PKD2L2: variants seen among roughly 807,000 people sequenced by gnomAD.
PKD2L2 encodes the protein polycystin 2 like 2, transient receptor potential cation channel, also known as polycystin-2-like protein 2.
Under a neutral mutation model 83.9 loss-of-function variants are expected in PKD2L2, and 67 were observed. The ratio of observed to expected loss-of-function variants is 0.80; its 90% CI spans 0.66 to 0.98. The LOEUF (loss-of-function observed/expected upper bound fraction) is 0.98, where lower values mean the gene tolerates loss of function less well. Among genes scored for constraint, PKD2L2 ranks in the 50% least tolerant of loss-of-function variants. The pLI is 0.00. For synonymous variants in PKD2L2, 223 were observed against 237.8 expected, an observed-to-expected ratio of 0.94 and a Z score of 0.57; for missense variants, 632 against 717.2, an observed-to-expected ratio of 0.88 and a Z score of 1.36.
chr5:137,914,824 A>G (rs1168302871), intron 8 of PKD2L2, among the ~76,000 whole-genome samples: 1 of 152,106 alleles, frequency 6.6e-6, no homozygotes, highest in Non-Finnish European at 1.5e-5. Flanking sequence ...ATTTGTTTAT[A>G]GTTTTTATCC....
At chr5:137,936,933 G>A (rs1162945063) in intron 14 of PKD2L2, among the ~76,000 whole-genome samples, 1 of 152,084 alleles carries the variant, frequency 6.6e-6, no homozygotes, top group Non-Finnish European at 1.5e-5. Flanking sequence ...TACACACACT[G>A]GTACAAAGGA....
chr5:137,918,054 C>CA lies in PKD2L2; in HGVS notation c.1329-3576dup, dbSNP rs562546024. Among the ~76,000 whole-genome samples, 188 of 152,106 alleles carry CA rather than the reference C, an allele frequency of 1.2e-3. 4 individuals carry two copies. Among genetic ancestry groups the CA allele is most frequent in the Middle Eastern group, 0.01 (3 of 294 alleles). ...GAAACTAAGGGAGACCATGTCTGTA[C>CA]AAAAAATAAAAAATAATAAAAATTC... On this transcript the variant is annotated intron_variant, in intron 8 of 14. Transcript: ENST00000508883.
chr5:137,935,209 G>A (rs1005463950), intron 12 of PKD2L2, among the ~76,000 whole-genome samples: 1 of 152,194 alleles, frequency 6.6e-6, no homozygotes, highest in South Asian at 2.1e-4. Context: ...TGGGAAAAGG[G>A]TATTTGGACA....
chr5:137,936,506 A>C, intron 14 of PKD2L2, 79 bp downstream of exon 14: 25 of 1,215,066 alleles, frequency 2.1e-5, no homozygotes, highest in Non-Finnish European at 2.8e-5. Context: ...CCCAGGCTGG[A>C]GTGCAGTGGC....
At chr5:137,933,601 T>C (rs1760065304) in intron 12 of PKD2L2, among the ~76,000 whole-genome samples, 1 of 152,216 alleles carries the variant, frequency 6.6e-6, no homozygotes. Context: ...CCATTCCGTA[T>C]CATTCCCTTT....
chr5:137,936,550 G>A (rs1760430291), intron 14 of PKD2L2, 123 bp downstream of exon 14: 2 of 643,406 alleles, frequency 3.1e-6, no homozygotes, highest in African/African-American at 3.7e-5. Flanking sequence ...CCACCTCCCG[G>A]GTTCAAGCGA....
intron 5 of PKD2L2, among the ~76,000 whole-genome samples, chr5:137,900,332 T>C (rs1756846475): frequency 6.6e-6 from 1 of 152,244 alleles, no homozygotes; most frequent in South Asian, 2.1e-4. Flanking sequence ...TGATCTCTTA[T>C]AGTTCTCGTG....
chr5:137,894,749 G>C (rs1756294698), intron 4 of PKD2L2, 140 bp downstream of exon 4: 1 of 648,640 alleles, frequency 1.5e-6, no homozygotes, highest in South Asian at 2.0e-5. Context: ...GGAAGATGTG[G>C]AGATAGCAGT....
chr5:137,936,239 AGCATTTC>A, intron 13 of PKD2L2, 74 bp from the exon 14 acceptor site: 1 of 1,245,342 alleles, frequency 8.0e-7, no homozygotes, highest in East Asian at 2.5e-5. Context: ...ATCTTCCCAA[AGCATTTC>A]GCACTAGTAA....
rs921609049 is a variant in PKD2L2, at chr5:137,890,445, A to G, written c.32-36A>G. ...ATTGTTGTCACTTATAAATTACATAATAATGTAAAGAAAAATTTTGTCTTA... is the reference window on the plus strand; with the variant it reads ...ATTGTTGTCACTTATAAATTACATAGTAATGTAAAGAAAAATTTTGTCTTA... On this transcript the variant is annotated intron_variant, in intron 1 of 14. Transcript: ENST00000508883. 4 of 1,131,046 alleles carry G rather than the reference A, an allele frequency of 3.5e-6. No homozygotes were observed. The African/African-American group carries it at 4.7e-5, about 13-fold the overall frequency. 70.1% of individuals were successfully genotyped at this position (1,131,046 alleles called of 1,614,324 possible). A position where few individuals can be genotyped will look rare whatever the true frequency, so the allele number is the denominator to read the frequency against.
intron 8 of PKD2L2, 87 bp downstream of exon 8, chr5:137,909,033 AAT>A (rs1319980298): frequency 4.3e-6 from 3 of 703,658 alleles, no homozygotes; most frequent in South Asian, 3.6e-5. Context: ...GATAAGTAGT[AAT>A]ATAAGCTTTA....
In PKD2L2 at chr5:137,907,753, G is replaced by A. The variant is rs748326615; in HGVS notation, c.987G>A (p.Val329=). 2 of 1,501,650 alleles carry A rather than the reference G, an allele frequency of 1.3e-6. No homozygotes were observed. The highest frequency in any genetic ancestry group is 8.9e-7 in the Non-Finnish European group (1 of 1,118,446). The allele number at this position is 1,501,650 out of a possible 1,614,324, so 93.0% of individuals were successfully genotyped here. The part of the protein sequence containing the change: ...LELLLLLLCF[V]AVSFNTYYNV... ...ATTTTCCCATTTAGTTGTGTTTTGT[G>A]GCTGTTTCCTTCAACACATACTATA... is the stretch of plus-strand genomic sequence containing the variant. Residue 329 remains valine (V), a synonymous_variant, in exon 7 of 15, where the codon GTG becomes GTA. Transcript: ENST00000508883.
At chr5:137,896,718 G>A (rs1425755014) in intron 4 of PKD2L2, among the ~76,000 whole-genome samples, 1 of 151,702 alleles carries the variant, frequency 6.6e-6, no homozygotes, top group Non-Finnish European at 1.5e-5. Context: ...GGCCTCTATT[G>A]TTTTTCTGTC....
chr5:137,905,083 T>C (rs556620887), intron 5 of PKD2L2, among the ~76,000 whole-genome samples: 1 of 152,316 alleles, frequency 6.6e-6, no homozygotes, highest in African/African-American at 2.4e-5. Context: ...TAAACAAGAA[T>C]GGAAGCATTG....
intron 8 of PKD2L2, among the ~76,000 whole-genome samples, chr5:137,918,944 A>ATGTGTG (rs67036547): frequency 4.5e-4 from 66 of 146,322 alleles, no homozygotes; most frequent in African/African-American, 1.5e-3. Flanking sequence ...GGCCTGCACA[A>ATGTGTG]TGTGTGTGTG....
At chr5:137,916,011 T>C (rs1758293188) in intron 8 of PKD2L2, among the ~76,000 whole-genome samples, 1 of 143,818 alleles carries the variant, frequency 7.0e-6, no homozygotes, top group Non-Finnish European at 1.5e-5. Context: ...CCTCACCAAT[T>C]ATGTATACAC....
At chr5:137,891,688 A>AT (rs545441208) in intron 2 of PKD2L2, among the ~76,000 whole-genome samples, 3,388 of 150,858 alleles carry the variant, frequency 0.022, 127 homozygotes, top group African/African-American at 0.078. Context: ...TTATAATGTG[A>AT]TTTTTTTTCT....
intron 10 of PKD2L2, among the ~76,000 whole-genome samples, chr5:137,923,743 CA>C (rs1160217336): frequency 2.6e-5 from 4 of 152,098 alleles, no homozygotes; most frequent in Admixed American, 2.6e-4. Flanking sequence ...AAAATGTAGC[CA>C]AAATTATTTC....
chr5:137,924,906 A>G, intron 10 of PKD2L2, 134 bp from the exon 11 acceptor site: 1 of 628,896 alleles, frequency 1.6e-6, no homozygotes, highest in Admixed American at 2.9e-5. Context: ...GGATAATCAT[A>G]GCATTTACCT....
Sources: gnomAD v4.1 joint callset for allele counts (sites outside exome capture counted in the v4.1 genomes callset) on GRCh38, gnomAD v4.1.1 for gene constraint, MANE v1.5 for transcripts, NCBI Gene and HGNC (gene_info 2026-07-23, HGNC 2026-07-21) for gene names.